Variants in SDK1 observed in about 807,000 individuals in gnomAD.
The protein encoded by SDK1 is sidekick cell adhesion molecule 1, also known as protein sidekick-1.
A neutral mutation model predicts 245.5 loss-of-function variants in SDK1; 157 were observed. The ratio of observed to expected loss-of-function variants is 0.64; its 90% CI spans 0.56 to 0.73. SDK1 has a LOEUF of 0.73. SDK1 is among the 30% of genes least tolerant of loss of function. SDK1 has a pLI of 0.00. For missense variants in SDK1, 3,583 were observed against 3,002.3 expected (o/e 1.19, Z -4.52); for synonymous variants, 1,647 against 1,278.5 (o/e 1.29, Z -6.15).
chr7:3,750,494 A>T (rs1779743176), intron 4 of SDK1, among the ~76,000 whole-genome samples: 1 of 152,228 alleles, frequency 6.6e-6, no homozygotes, highest in Non-Finnish European at 1.5e-5. Flanking sequence ...GTATAGGAAC[A>T]GCGGGATTTT....
intron 4 of SDK1, among the ~76,000 whole-genome samples, chr7:3,722,172 G>A (rs1009748444): frequency 6.6e-6 from 1 of 152,100 alleles, no homozygotes; most frequent in African/African-American, 2.4e-5. Context: ...GAGCCACCAG[G>A]CCAGCCCAGG....
At chr7:3,642,231 C>G (rs1708261436) in intron 4 of SDK1, 126 bp downstream of exon 4, 2 of 789,050 alleles carry the variant, frequency 2.5e-6, no homozygotes, top group African/African-American at 1.8e-5. Context: ...TCTAGGAGTC[C>G]TATCCTAATT....
At chr7:3,331,485 A>G (rs772374366) in intron 1 of SDK1, among the ~76,000 whole-genome samples, 1 of 152,168 alleles carries the variant, frequency 6.6e-6, no homozygotes, top group Non-Finnish European at 1.5e-5. Context: ...CGTTTTTTAC[A>G]TTAGTTGTCT....
chr7:3,517,547 G>A (rs1040050284), intron 1 of SDK1, among the ~76,000 whole-genome samples: 3 of 152,136 alleles, frequency 2.0e-5, no homozygotes, highest in African/African-American at 7.2e-5. Context: ...TTAGGAAATA[G>A]CCCACAACGA....
intron 1 of SDK1, among the ~76,000 whole-genome samples, chr7:3,612,863 G>C (rs529961304): frequency 2.4e-4 from 36 of 152,178 alleles, no homozygotes; most frequent in African/African-American, 6.0e-4. Flanking sequence ...ACAGCTCATC[G>C]TCACTTCACC....
At chr7:3,809,251 C>T (rs1338614974) in intron 4 of SDK1, among the ~76,000 whole-genome samples, 2 of 152,218 alleles carry the variant, frequency 1.3e-5, no homozygotes, top group African/African-American at 4.8e-5. Flanking sequence ...AGCCAGATCT[C>T]ACAAGAAGTC....
At chr7:3,454,568 A>G (rs1176758685) in intron 1 of SDK1, among the ~76,000 whole-genome samples, 7 of 152,162 alleles carry the variant, frequency 4.6e-5, no homozygotes, top group South Asian at 2.1e-4. Flanking sequence ...ATCAGCTGCA[A>G]TAACACATTT....
At chr7:3,778,234 G>A (rs1300821841) in intron 4 of SDK1, among the ~76,000 whole-genome samples, 1 of 151,436 alleles carries the variant, frequency 6.6e-6, no homozygotes, top group South Asian at 2.1e-4. Context: ...TGAAGCTGGA[G>A]GTTTTTTTTT....
chr7:3,928,083 T>G (rs965784337), intron 5 of SDK1, among the ~76,000 whole-genome samples: 5 of 152,214 alleles, frequency 3.3e-5, no homozygotes, highest in Non-Finnish European at 5.9e-5. Flanking sequence ...ATTGTTTCAG[T>G]GACTGCCTCT....
In SDK1 at chr7:4,051,659, G is replaced by T. The variant is rs771256678; in HGVS notation, c.2740G>T (p.Ala914Ser). 6.2e-7 allele frequency: 1 copy of T among 1,610,764 alleles called. No individual in the cohort carries two copies. Among genetic ancestry groups the T allele is most frequent in the East Asian group, 2.2e-5 (1 of 44,614 alleles). Residue 914 changes from alanine to serine, a missense_variant, in exon 19 of 45, where the codon GCC (alanine) becomes TCC (serine). Physicochemically the swap from Ala to Ser is moderately conservative, Grantham distance 99. Coordinates refer to ENST00000404826, the MANE Select transcript of SDK1 (RefSeq NM_152744.4). ...TCAGCTTCTGGCATGGCCGGCAGAT[G>T]CCCCCGAGGCTGTCACTGTGGTCAC... Reference protein sequence around the residue: ...GYKLLAWPADAPEAVTVVTIA... With the variant: ...GYKLLAWPADSPEAVTVVTIA...
At chr7:3,743,275 G>A (rs2115055023) in intron 4 of SDK1, among the ~76,000 whole-genome samples, 1 of 152,310 alleles carries the variant, frequency 6.6e-6, no homozygotes, top group East Asian at 1.9e-4. Flanking sequence ...TGAATTTGGA[G>A]TTAGAAGAAG....
intron 1 of SDK1, among the ~76,000 whole-genome samples, chr7:3,502,926 C>G (rs1010760869): frequency 2.6e-5 from 4 of 152,090 alleles, no homozygotes; most frequent in Non-Finnish European, 5.9e-5. Context: ...CTGATCTAAC[C>G]AAATGATTTT....
rs1238500093 is a variant in SDK1, at chr7:4,145,732, T to G, written c.4239T>G (p.Ile1413Met). The G allele has an allele frequency of 6.2e-7, 1 of 1,605,950 alleles. No homozygotes were observed. Among genetic ancestry groups the G allele is most frequent in the Admixed American group, 1.7e-5 (1 of 59,140 alleles). ...EPNGIILGYQ[I>M]AYRLASSSPH... ...GTCACCTGCCTGCAGGGTACCAGAT[T>G]GCCTACCGCCTGGCCAGCAGCAGCC... The change falls in exon 29 of 45, where the codon ATT becomes ATG. Residue 1413 changes from isoleucine (I) to methionine (M), a missense_variant. Physicochemically the swap from Ile to Met is conservative, Grantham distance 10. Coordinates refer to ENST00000404826, the MANE Select transcript of SDK1 (RefSeq NM_152744.4).
intron 4 of SDK1, among the ~76,000 whole-genome samples, chr7:3,769,646 C>A (rs1421399534): frequency 6.6e-6 from 1 of 151,984 alleles, no homozygotes; most frequent in Non-Finnish European, 1.5e-5. Flanking sequence ...ATATCAGGAC[C>A]AGGATATGGA....
chr7:3,999,243 T>G (rs996038670), intron 14 of SDK1, among the ~76,000 whole-genome samples: 1 of 152,168 alleles, frequency 6.6e-6, no homozygotes, highest in Admixed American at 6.5e-5. Context: ...CCCCATTCCC[T>G]TGGGTACAGA....
chr7:3,833,631 G>A (rs189241210), intron 5 of SDK1, among the ~76,000 whole-genome samples: 132 of 152,276 alleles, frequency 8.7e-4, no homozygotes, highest in African/African-American at 3.0e-3. Context: ...GTTCATTTCC[G>A]AAAGCTTAAG....
intron 1 of SDK1, among the ~76,000 whole-genome samples, chr7:3,457,314 C>A (rs1039297766): frequency 3.3e-5 from 5 of 152,126 alleles, no homozygotes; most frequent in African/African-American, 1.2e-4. Flanking sequence ...GCCTTCCTAA[C>A]CAGTTAGTTT....
intron 5 of SDK1, among the ~76,000 whole-genome samples, chr7:3,895,277 T>G (rs11983563): frequency 0.19 from 29,663 of 152,120 alleles, 3,046 homozygotes; most frequent in Middle Eastern, 0.34. Flanking sequence ...TACTTTTGTA[T>G]GACCATTCAT....
At chr7:3,579,129 C>T (rs2128631953) in intron 1 of SDK1, among the ~76,000 whole-genome samples, 1 of 152,130 alleles carries the variant, frequency 6.6e-6, no homozygotes, top group South Asian at 2.1e-4. Context: ...GTACTATCTT[C>T]TACTGAAACT....
Sources: gnomAD v4.1 joint callset for allele counts (sites outside exome capture counted in the v4.1 genomes callset) on GRCh38, gnomAD v4.1.1 for gene constraint, MANE v1.5 for transcripts, NCBI Gene and HGNC (gene_info 2026-07-23, HGNC 2026-07-21) for gene names.